COL24A1: variants seen among roughly 807,000 people sequenced by gnomAD.
COL24A1 encodes collagen alpha-1(XXIV) chain.
In COL24A1, 224 loss-of-function variants were observed where a neutral mutation model predicts 253.9. The ratio of observed to expected loss-of-function variants is 0.88; its 90% CI spans 0.79 to 0.99. The LOEUF (loss-of-function observed/expected upper bound fraction) is 0.99, where lower values mean the gene tolerates loss of function less well. COL24A1 is among the 50% of genes least tolerant of loss of function. COL24A1 has a pLI of 0.00. For synonymous variants in COL24A1, 685 were observed against 673.7 expected (o/e 1.02, Z -0.26); for missense variants, 2,131 against 2,068.5 (o/e 1.03, Z -0.59).
At chr1:85,783,447 G>A (rs891495697) in intron 51 of COL24A1, 49 bp downstream of exon 51, 1 of 1,515,336 alleles carries the variant, frequency 6.6e-7, no homozygotes, top group Admixed American at 1.7e-5. Context: ...AAGCCCTGCA[G>A]TAAGCAAAGA....
intron 19 of COL24A1, among the ~76,000 whole-genome samples, chr1:86,013,665 G>A (rs1045628917): frequency 3.9e-5 from 6 of 151,998 alleles, no homozygotes; most frequent in Non-Finnish European, 8.8e-5. Flanking sequence ...GCAAAACCCC[G>A]TCTCTACTAA....
At chr1:85,786,786 T>C (rs75305327) in intron 47 of COL24A1, among the ~76,000 whole-genome samples, 4 of 152,336 alleles carry the variant, frequency 2.6e-5, no homozygotes, top group East Asian at 3.9e-4. Flanking sequence ...TTTTGTATTA[T>C]ACTCTGGTGT....
rs140597919 is a variant in COL24A1 at position 85,914,510 on chromosome 1, C to T, written c.2563-3077G>A. ...GCTTCAAGCGATTCTCCTGCCTCAG[C>T]CTCCTGAATGGCTGGGATTACAGGC... On this transcript the variant is annotated intron_variant, in intron 24 of 59. Coordinates refer to ENST00000370571, the MANE Select transcript of COL24A1 (RefSeq NM_152890.7). Among the ~76,000 whole-genome samples, 8 of 151,930 alleles carry T rather than the reference C, an allele frequency of 5.3e-5. No homozygotes were observed. In the East Asian group the frequency reaches 1.2e-3, roughly 22 times the overall value.
At chr1:85,889,051 A>G (rs914897847) in intron 32 of COL24A1, among the ~76,000 whole-genome samples, 1 of 152,154 alleles carries the variant, frequency 6.6e-6, no homozygotes, top group African/African-American at 2.4e-5. Context: ...AAACTCCATA[A>G]TTGAATCATA....
intron 24 of COL24A1, among the ~76,000 whole-genome samples, chr1:85,923,294 T>G (rs1165766812): frequency 1.3e-5 from 2 of 152,188 alleles, no homozygotes; most frequent in Non-Finnish European, 1.5e-5. Context: ...ATCCAGGACT[T>G]GAACTCAGCT....
chr1:85,994,795 T>C (rs757117909), intron 19 of COL24A1, among the ~76,000 whole-genome samples: 1 of 152,200 alleles, frequency 6.6e-6, no homozygotes, highest in Non-Finnish European at 1.5e-5. Flanking sequence ...GAAGGAAATA[T>C]TCTGTCTTCT....
chr1:86,053,581 C>T (rs904314229), intron 10 of COL24A1, among the ~76,000 whole-genome samples: 3 of 151,894 alleles, frequency 2.0e-5, no homozygotes. Flanking sequence ...CATGTTTTTG[C>T]TTTTTGGTTT....
intron 39 of COL24A1, among the ~76,000 whole-genome samples, chr1:85,847,450 A>AT (rs1417775770): frequency 1.3e-5 from 2 of 151,858 alleles, no homozygotes; most frequent in South Asian, 4.1e-4. Flanking sequence ...TTCCATTTTC[A>AT]TTTTTTTCTC....
chr1:85,908,129 AATTTAGGGGAAACACTTCATC>A (rs1288760421), intron 27 of COL24A1, among the ~76,000 whole-genome samples: 1 of 151,474 alleles, frequency 6.6e-6, no homozygotes, highest in Non-Finnish European at 1.5e-5. Flanking sequence ...AAGCAAAATT[AATTTAGGGGAAACACTTCATC>A]ATCTTTTTGT....
chr1:86,135,601 G>T lies in COL24A1; in HGVS notation c.122-9387C>A, dbSNP rs115686710. Among the ~76,000 whole-genome samples the T allele has an allele frequency of 3.4e-3, 517 of 151,648 alleles. 6 individuals carry two copies. The highest frequency in any genetic ancestry group is 4.9e-3 in the Non-Finnish European group (330 of 67,858). ...CCTACAAAGTATAACTTCCCTTTGTGCTCCTTCCCATTTCATCTTGATTTA... is the reference window on the plus strand; with the variant it reads ...CCTACAAAGTATAACTTCCCTTTGTTCTCCTTCCCATTTCATCTTGATTTA... On this transcript the variant is annotated intron_variant, in intron 2 of 59. Coordinates refer to ENST00000370571, the MANE Select transcript of COL24A1 (RefSeq NM_152890.7).
intron 55 of COL24A1, among the ~76,000 whole-genome samples, chr1:85,747,460 T>G (rs1665362205): frequency 6.6e-6 from 1 of 152,128 alleles, no homozygotes; most frequent in African/African-American, 2.4e-5. Context: ...ATTTTAAAAC[T>G]ATTCATGTGT....
Position 86,090,856 on chromosome 1 carries a change from A to G in COL24A1, c.1653+1411T>C, listed in dbSNP as rs543284173. ...TAAGTAACTCAAAAAGTGAAAAAAG[A>G]CTAACATGCTTCCAAGTCTGAATTC... On this transcript the variant is annotated intron_variant, in intron 6 of 59. Coordinates refer to ENST00000370571, the MANE Select transcript of COL24A1 (RefSeq NM_152890.7). Among the ~76,000 whole-genome samples the G allele has an allele frequency of 1.7e-4, 26 of 152,252 alleles. No homozygotes were observed. The South Asian group carries it at 5.0e-3, about 29-fold the overall frequency.
At chr1:86,004,394 G>T (rs1416840237) in intron 19 of COL24A1, among the ~76,000 whole-genome samples, 1 of 152,112 alleles carries the variant, frequency 6.6e-6, no homozygotes, top group African/African-American at 2.4e-5. Context: ...ATTGAAGGAG[G>T]GGCAAGGAGT....
intron 7 of COL24A1, among the ~76,000 whole-genome samples, chr1:86,086,241 A>G (rs1165939595): frequency 6.6e-5 from 10 of 152,186 alleles, no homozygotes; most frequent in Admixed American, 6.5e-4. Context: ...CTAGAGGTAC[A>G]CAGATATACT....
At chr1:85,834,304 T>C (rs1037619443) in intron 43 of COL24A1, among the ~76,000 whole-genome samples, 4 of 147,182 alleles carry the variant, frequency 2.7e-5, no homozygotes, top group Admixed American at 6.8e-5. Flanking sequence ...GAGAGAGAGA[T>C]TGAGAGAGAG....
chr1:85,858,621 C>CTCCCT lies in COL24A1; in HGVS notation c.3301-9216_3301-9215insAGGGA, dbSNP rs1347863094. Among the ~76,000 whole-genome samples the CTCCCT allele has an allele frequency of 5.9e-4, 67 of 113,270 alleles. 1 individual carries two copies. The highest frequency in any genetic ancestry group is 2.2e-3 in the Admixed American group (25 of 11,178). 74.3% of individuals were successfully genotyped at this position (113,270 alleles called of 152,430 possible). A position where few individuals can be genotyped will look rare whatever the true frequency, so the allele number is the denominator to read the frequency against. Reference sequence around the variant, plus strand: ...AACATATTTTCTCCTTATTTTCTCCCTCCTTCCTTCCTTCCTTCCTTCCTT... The same window carrying CTCCCT: ...AACATATTTTCTCCTTATTTTCTCCCTCCCTTCCTTCCTTCCTTCCTTCCTTCCTT... On this transcript the variant is annotated intron_variant, in intron 37 of 59. Coordinates refer to ENST00000370571, the MANE Select transcript of COL24A1 (RefSeq NM_152890.7).
intron 55 of COL24A1, among the ~76,000 whole-genome samples, chr1:85,746,632 A>G (rs531338426): frequency 6.6e-6 from 1 of 152,274 alleles, no homozygotes; most frequent in East Asian, 1.9e-4. Flanking sequence ...GTTGGAAGGA[A>G]TAGGTCAGGG....
intron 38 of COL24A1, 41 bp downstream of exon 38, chr1:85,849,312 C>G (rs1201000813): frequency 6.5e-7 from 1 of 1,547,618 alleles, no homozygotes; most frequent in Non-Finnish European, 8.9e-7. Context: ...CTGGGCACAT[C>G]AGAAGAAAGA....
In COL24A1 at chr1:85,908,593, C is replaced by A; in HGVS notation, c.2724+5G>T. 1 of 1,449,108 alleles carries A rather than the reference C, an allele frequency of 6.9e-7. No homozygotes were observed. The highest frequency in any genetic ancestry group is 2.5e-5 in the East Asian group (1 of 40,248). The allele number at this position is 1,449,108 out of a possible 1,614,324, so 89.8% of individuals were successfully genotyped here. A position where few individuals can be genotyped will look rare whatever the true frequency, so the allele number is the denominator to read the frequency against. On this transcript the variant is annotated splice_donor_5th_base_variant and intron_variant, in intron 27 of 59. Coordinates refer to ENST00000370571, the MANE Select transcript of COL24A1 (RefSeq NM_152890.7). ...AAGGAATCATAAAGTCTTTCCTGTA[C>A]TTACAGGTAATCCCAATGGACCGAT...
Sources: gnomAD v4.1 joint callset for allele counts (sites outside exome capture counted in the v4.1 genomes callset) on GRCh38, gnomAD v4.1.1 for gene constraint, MANE v1.5 for transcripts, NCBI Gene and HGNC (gene_info 2026-07-23, HGNC 2026-07-21) for gene names.